The following EZR variants were observed in gnomAD, a reference collection of about 807,000 sequenced individuals.
EZR encodes ezrin.
A neutral mutation model predicts 74.8 loss-of-function variants in EZR; 40 were observed. The ratio of observed to expected loss-of-function variants is 0.53; its 90% CI spans 0.42 to 0.70. The LOEUF is 0.70. Ranked by LOEUF, EZR falls within the 30% of genes least tolerant of loss-of-function variation. EZR has a pLI of 0.00. For synonymous variants in EZR, 341 were observed against 283.3 expected (o/e 1.20, Z -2.05); for missense variants, 678 against 755.8 (o/e 0.90, Z 1.21).
intron 2 of EZR, among the ~76,000 whole-genome samples, chr6:158,813,750 T>C (rs1777496140): frequency 6.6e-6 from 1 of 152,260 alleles, no homozygotes; most frequent in Admixed American, 6.5e-5. Context: ...GTTTTCCTAA[T>C]GAAAGGTAAA....
chr6:158,786,245 G>A (rs1583569645), intron 4 of EZR, among the ~76,000 whole-genome samples: 1 of 152,152 alleles, frequency 6.6e-6, no homozygotes, highest in Admixed American at 6.5e-5. Flanking sequence ...ATGATGGCAT[G>A]CAGCTGTAGT....
chr6:158,784,528 A>G, intron 6 of EZR, 116 bp downstream of exon 6: 1 of 871,442 alleles, frequency 1.1e-6, no homozygotes, highest in Non-Finnish European at 1.8e-6. Context: ...CGGTTCCCTC[A>G]AGGTCTTCAC....
rs1276338825 is a variant in EZR, at chr6:158,785,332, G to C, written c.444C>G (p.Ser148Arg). 1 of 1,614,012 alleles carries C rather than the reference G, an allele frequency of 6.2e-7. No individual in the cohort carries two copies. The highest frequency in any genetic ancestry group is 8.5e-7 in the Non-Finnish European group (1 of 1,180,044). Residue 148 changes from serine (S) to arginine (R), a missense_variant, in exon 5 of 14, where the codon AGC becomes AGG. Transcript: ENST00000367075. ...NKEVHKSGYL[S>R]SERLIPQRVM... ...ACCTTTGAGGGATCAGCCGCTCAGA[G>C]CTGAGGTACCCAGACTTGTGCACTT...
At chr6:158,778,768 C>T (rs961324534) in intron 7 of EZR, among the ~76,000 whole-genome samples, 26 of 152,154 alleles carry the variant, frequency 1.7e-4, no homozygotes, top group Non-Finnish European at 2.4e-4. Flanking sequence ...CAAGGTGCTC[C>T]TAAAGGCCAA....
intron 2 of EZR, among the ~76,000 whole-genome samples, chr6:158,799,923 T>G (rs952963165): frequency 6.6e-6 from 1 of 152,226 alleles, no homozygotes; most frequent in Non-Finnish European, 1.5e-5. Context: ...CTTTCTTACA[T>G]GAACAATGCT....
intron 12 of EZR, among the ~76,000 whole-genome samples, chr6:158,767,949 G>A (rs1790957845): frequency 1.3e-5 from 2 of 151,954 alleles, no homozygotes; most frequent in Non-Finnish European, 2.9e-5. Context: ...CTAGAGTTGA[G>A]CTTAGTGTGG....
At chr6:158,773,405 A>G (rs1313851425) in intron 8 of EZR, among the ~76,000 whole-genome samples, 2 of 152,028 alleles carry the variant, frequency 1.3e-5, no homozygotes, top group Non-Finnish European at 2.9e-5. Context: ...TAAAACAAAG[A>G]CTCATACTGA....
chr6:158,798,621 GCTTT>G (rs1562501991), intron 2 of EZR, among the ~76,000 whole-genome samples: 5 of 89,024 alleles, frequency 5.6e-5, no homozygotes, highest in African/African-American at 1.2e-4. Flanking sequence ...TTGCTGCTCC[GCTTT>G]TTTTTTTTTT....
intron 7 of EZR, 74 bp downstream of exon 7, chr6:158,783,446 C>T: frequency 6.8e-7 from 1 of 1,472,858 alleles, no homozygotes. Context: ...AAATAACCCA[C>T]AAATTTGCCA....
intron 2 of EZR, among the ~76,000 whole-genome samples, chr6:158,814,378 T>C (rs868250538): frequency 2.0e-4 from 6 of 29,740 alleles, no homozygotes; most frequent in Admixed American, 9.9e-4. Flanking sequence ...CCATCAGATT[T>C]TCCTCTCGAC....
intron 2 of EZR, among the ~76,000 whole-genome samples, chr6:158,808,687 G>A (rs1777392206): frequency 6.6e-6 from 1 of 152,188 alleles, no homozygotes. Context: ...CAGATGAGGA[G>A]GCAGAGGGAG....
intron 2 of EZR, among the ~76,000 whole-genome samples, chr6:158,792,601 C>T (rs936421214): frequency 5.3e-5 from 8 of 152,024 alleles, no homozygotes; most frequent in East Asian, 1.9e-4. Flanking sequence ...GGGCAGATCA[C>T]GAGGTCAGGA....
At chr6:158,779,445 T>C (rs994532764) in intron 7 of EZR, among the ~76,000 whole-genome samples, 1 of 152,204 alleles carries the variant, frequency 6.6e-6, no homozygotes, top group Non-Finnish European at 1.5e-5. Context: ...CTAATGTTAA[T>C]TTTCTTATCT....
chr6:158,772,259 T>C (rs994869813), intron 8 of EZR, among the ~76,000 whole-genome samples: 2 of 152,246 alleles, frequency 1.3e-5, no homozygotes, highest in African/African-American at 4.8e-5. Flanking sequence ...AGGTGTGCAG[T>C]ACCTGCCAGG....
Position 158,769,768 on chromosome 6 carries a change from C to G in EZR, c.1251+16G>C, listed in dbSNP as rs3127177. The stretch of plus-strand genomic sequence containing the variant: ...CTCTCTATAATTCAGCATCTTGAAA[C>G]TCAGGCCATTCCTACCAGCTGCTCC... On this transcript the variant is annotated intron_variant, in intron 11 of 13. Coordinates refer to ENST00000367075, the MANE Select transcript of EZR (RefSeq NM_001111077.2). 396,319 of 1,612,672 alleles carry G rather than the reference C, an allele frequency of 0.25. 51,322 individuals carry two copies. The highest frequency in any genetic ancestry group is 0.26 in the African/African-American group (19,281 of 74,968).
At position 158,814,379 on chromosome 6, in the gene EZR, T is replaced by G. The variant is rs371536963; in HGVS notation, c.12+3703A>C. ...TGATTTTCCTTTCCCCATCAGATTTTCCTCTCGACGTTACCTAGGCTCTTT... is the reference window on the plus strand; with the variant it reads ...TGATTTTCCTTTCCCCATCAGATTTGCCTCTCGACGTTACCTAGGCTCTTT... On this transcript the variant is annotated intron_variant, in intron 2 of 13. Transcript: ENST00000367075. Among the ~76,000 whole-genome samples the G allele has an allele frequency of 8.4e-3, 730 of 87,330 alleles. 3 individuals carry two copies. Among genetic ancestry groups the G allele is most frequent in the African/African-American group, 0.043 (687 of 15,902 alleles). 57.3% of individuals were successfully genotyped at this position (87,330 alleles called of 152,430 possible). A position where few individuals can be genotyped will look rare whatever the true frequency, so the allele number is the denominator to read the frequency against.
At chr6:158,769,158 C>G (rs73020284) in intron 12 of EZR, among the ~76,000 whole-genome samples, 168 bp downstream of exon 12, 8,390 of 152,270 alleles carry the variant, frequency 0.055, 305 homozygotes, top group Non-Finnish European at 0.077. Context: ...TTCAGTAGTA[C>G]AGCTGGTATT....
At chr6:158,779,969 G>A (rs1305754827) in intron 7 of EZR, among the ~76,000 whole-genome samples, 1 of 152,064 alleles carries the variant, frequency 6.6e-6, no homozygotes, top group Non-Finnish European at 1.5e-5. Context: ...GATCATTTGA[G>A]GTCAGGAGTT....
chr6:158,807,448 C>T (rs891335572), intron 2 of EZR, among the ~76,000 whole-genome samples: 19 of 152,186 alleles, frequency 1.2e-4, no homozygotes, highest in Admixed American at 2.6e-4. Context: ...AACCACAGCA[C>T]CTGAGAAAGG....
Sources: allele counts gnomAD v4.1 joint callset (sites outside exome capture counted in the v4.1 genomes callset), GRCh38; gene constraint gnomAD v4.1.1; transcripts MANE v1.5; gene names NCBI Gene and HGNC (gene_info 2026-07-23, HGNC 2026-07-21).